PTH2R: variants seen among roughly 807,000 people sequenced by gnomAD.
PTH2R encodes the protein PTH2 receptor.
Under a neutral mutation model 60.3 loss-of-function variants are expected in PTH2R, and 59 were observed. The ratio of observed to expected loss-of-function variants is 0.98; its 90% CI spans 0.79 to 1.22. The LOEUF (loss-of-function observed/expected upper bound fraction) is 1.22. Ranked by LOEUF, PTH2R falls within the 50% of genes most tolerant of loss-of-function variation. The probability of loss-of-function intolerance (pLI) is 0.00; values close to 1 mark genes in which losing one functional copy is unlikely to be tolerated. For missense variants in PTH2R, 749 were observed against 682.6 expected (o/e 1.10, Z -1.08); for synonymous variants, 256 against 243.8 (o/e 1.05, Z -0.47).
At chr2:208,433,078 G>C (rs12995408) in intron 2 of PTH2R, among the ~76,000 whole-genome samples, 6,889 of 152,094 alleles carry the variant, frequency 0.045, 213 homozygotes, top group African/African-American at 0.096. Flanking sequence ...AAATAGGATG[G>C]GTCAAGATAA....
At chr2:208,407,165 G>A (rs945908774) in intron 1 of PTH2R, 47 bp downstream of exon 1, 1 of 1,394,432 alleles carries the variant, frequency 7.2e-7, no homozygotes, top group Admixed American at 3.0e-5. Flanking sequence ...AGCCTCCGGC[G>A]GGGACTCAGC....
At chr2:208,362,344 GTATCTATAATTC>G (rs1700490570) in intron 1 of PTH2R, among the ~76,000 whole-genome samples, 1 of 151,996 alleles carries the variant, frequency 6.6e-6, no homozygotes, top group African/African-American at 2.4e-5. Flanking sequence ...CTCCTCTTAT[GTATCTATAATTC>G]ATATAGATAT....
chr2:208,375,704 C>T (rs1182486043), intron 1 of PTH2R, among the ~76,000 whole-genome samples: 2 of 152,080 alleles, frequency 1.3e-5, no homozygotes, highest in Admixed American at 1.3e-4. Flanking sequence ...AGAAAGGCTC[C>T]ATGTTGGATG....
intron 1 of PTH2R, among the ~76,000 whole-genome samples, chr2:208,380,736 G>A (rs896450925): frequency 1.3e-5 from 2 of 152,198 alleles, no homozygotes; most frequent in South Asian, 2.1e-4. Flanking sequence ...GAGTGTGTCT[G>A]TCCTTGAGCA....
chr2:208,444,569 C>T (rs191154315), intron 6 of PTH2R, among the ~76,000 whole-genome samples, 165 bp from the exon 7 acceptor site: 166 of 152,160 alleles, frequency 1.1e-3, no homozygotes, highest in African/African-American at 4.0e-3. Flanking sequence ...AAAAATGATG[C>T]ATTAAAATAA....
At chr2:208,441,055 C>T (rs1193160655) in intron 4 of PTH2R, among the ~76,000 whole-genome samples, 1 of 152,196 alleles carries the variant, frequency 6.6e-6, no homozygotes, top group Non-Finnish European at 1.5e-5. Context: ...CCTAGAGATG[C>T]ATAGTTCCCA....
At chr2:208,492,823 C>G (rs1574921659) in intron 12 of PTH2R, among the ~76,000 whole-genome samples, 1 of 152,134 alleles carries the variant, frequency 6.6e-6, no homozygotes, top group South Asian at 2.1e-4. Context: ...GGGATGCCAC[C>G]TTGTGCTGCT....
chr2:208,423,995 G>A (rs545723787), intron 1 of PTH2R, among the ~76,000 whole-genome samples: 33 of 152,272 alleles, frequency 2.2e-4, no homozygotes, highest in Non-Finnish European at 4.3e-4. Flanking sequence ...GGGCTGCTCC[G>A]TGGTCCTGAT....
intron 4 of PTH2R, among the ~76,000 whole-genome samples, chr2:208,439,834 CA>C (rs1011968091): frequency 1.3e-5 from 2 of 151,956 alleles, no homozygotes; most frequent in Admixed American, 1.3e-4. Context: ...TTAAAAACTT[CA>C]AAGGAATAAT....
chr2:208,410,088 G>A (rs1220307062), intron 1 of PTH2R, among the ~76,000 whole-genome samples: 3 of 152,118 alleles, frequency 2.0e-5, no homozygotes, highest in Non-Finnish European at 2.9e-5. Context: ...AAAATGGCCA[G>A]GTCTTAGAAT....
rs1010781963 is a variant in PTH2R, at chr2:208,381,680, TTA to T, written c.-259+21445_-259+21446del. On this transcript the variant is annotated intron_variant, in intron 1 of 12. Transcript: ENST00000617735. ...CAACAATAGAAGCCTTTTATAGTAA[TTA>T]TTTGTGGCAGGTAGACTCCTAAAAT... Among the ~76,000 whole-genome samples the T allele has an allele frequency of 1.7e-4, 26 of 152,252 alleles. 1 individual carries two copies. Among genetic ancestry groups the T allele is most frequent in the African/African-American group, 6.0e-4 (25 of 41,496 alleles).
intron 1 of PTH2R, among the ~76,000 whole-genome samples, chr2:208,385,108 C>G (rs908646770): frequency 6.6e-6 from 1 of 151,930 alleles, no homozygotes; most frequent in African/African-American, 2.4e-5. Flanking sequence ...TTCTTATTCT[C>G]CAAGTTACAT....
intron 4 of PTH2R, among the ~76,000 whole-genome samples, chr2:208,438,591 T>C (rs1702123956): frequency 6.6e-6 from 1 of 152,206 alleles, no homozygotes; most frequent in African/African-American, 2.4e-5. Context: ...TAAAAGTTGG[T>C]TTAAAAGTCA....
intron 7 of PTH2R, among the ~76,000 whole-genome samples, chr2:208,450,396 C>T (rs1702379453): frequency 6.6e-6 from 1 of 152,168 alleles, no homozygotes; most frequent in African/African-American, 2.4e-5. Context: ...TCCTTGAGAG[C>T]ATATGATGGT....
At chr2:208,444,348 A>G (rs1702246074) in intron 6 of PTH2R, among the ~76,000 whole-genome samples, 1 of 152,264 alleles carries the variant, frequency 6.6e-6, no homozygotes, top group Admixed American at 6.5e-5. Context: ...CTTGTTTTGC[A>G]GCAATAGCTG....
At chr2:208,387,583 G>T (rs923143690) in intron 1 of PTH2R, among the ~76,000 whole-genome samples, 1 of 152,190 alleles carries the variant, frequency 6.6e-6, no homozygotes, top group African/African-American at 2.4e-5. Flanking sequence ...AACTACATTA[G>T]AAGTTAACCC....
At chr2:208,414,740 T>G (rs2105839637) in intron 1 of PTH2R, among the ~76,000 whole-genome samples, 1 of 152,314 alleles carries the variant, frequency 6.6e-6, no homozygotes, top group Non-Finnish European at 1.5e-5. Flanking sequence ...AAGAATGATT[T>G]TCACATTTTT....
chr2:208,486,196 G>A (rs1159152691), intron 10 of PTH2R, among the ~76,000 whole-genome samples: 1 of 152,158 alleles, frequency 6.6e-6, no homozygotes, highest in Admixed American at 6.5e-5. Context: ...GAACAAATGA[G>A]TATTGTTTTA....
intron 7 of PTH2R, among the ~76,000 whole-genome samples, chr2:208,450,355 CA>C (rs1163479104): frequency 1.3e-5 from 2 of 152,312 alleles, no homozygotes; most frequent in East Asian, 3.9e-4. Context: ...CAGCATCCCT[CA>C]GCTTTTCAGG....
Sources: allele counts gnomAD v4.1 joint callset (sites outside exome capture counted in the v4.1 genomes callset), GRCh38; gene constraint gnomAD v4.1.1; transcripts MANE v1.5; gene names NCBI Gene and HGNC (gene_info 2026-07-23, HGNC 2026-07-21).